The following FAM83F variants were observed in gnomAD, a reference collection of about 807,000 sequenced individuals.
FAM83F encodes protein FAM83F.
Under a neutral mutation model 42.9 loss-of-function variants are expected in FAM83F, and 45 were observed. The observed-to-expected ratio is 1.05, with a 90% CI of 0.83 to 1.35. FAM83F has a LOEUF of 1.35. FAM83F is among the 40% of genes most tolerant of loss of function. FAM83F has a pLI of 0.00. For missense variants in FAM83F, 617 were observed against 695.9 expected (o/e 0.89, Z 1.28); for synonymous variants, 306 against 298.3 (o/e 1.03, Z -0.27).
chr22:40,019,377 A>G (rs1196766298), intron 2 of FAM83F, 42 bp downstream of exon 2: 1 of 1,589,854 alleles, frequency 6.3e-7, no homozygotes, highest in Non-Finnish European at 8.6e-7. Flanking sequence ...AGGAGATGAG[A>G]CAGAGACTAC....
intron 1 of FAM83F, among the ~76,000 whole-genome samples, chr22:39,996,681 A>C (rs929594820): frequency 6.6e-6 from 1 of 152,208 alleles, no homozygotes; most frequent in Admixed American, 6.5e-5. Flanking sequence ...AGAGCTAGAA[A>C]GACCAGTGCT....
Position 40,035,765 on chromosome 22 carries a change from G to A in FAM83F, c.*6200G>A, listed in dbSNP as rs372566153. 6 of 152,194 alleles carry A rather than the reference G, an allele frequency of 3.9e-5. No individual in the cohort carries two copies. Among genetic ancestry groups the A allele is most frequent in the Non-Finnish European group, 5.9e-5 (4 of 68,048 alleles). 9.4% of individuals were successfully genotyped at this position (152,194 alleles called of 1,614,324 possible). ...TCATGTGTCAAATGGGGATGATCTC[G>A]AGACGACTCTCCAGAGTAACCACGT... On this transcript the variant is annotated 3_prime_UTR_variant, in exon 5 of 5. Coordinates refer to ENST00000333407, the MANE Select transcript of FAM83F (RefSeq NM_138435.4).
chr22:40,001,419 G>A (rs1402992952), intron 1 of FAM83F, among the ~76,000 whole-genome samples: 5 of 152,112 alleles, frequency 3.3e-5, no homozygotes, highest in East Asian at 1.9e-4. Flanking sequence ...CGGGCAGATC[G>A]CTTGAGCTGA....
At chr22:40,011,332 G>A (rs2067462404) in intron 1 of FAM83F, among the ~76,000 whole-genome samples, 1 of 152,048 alleles carries the variant, frequency 6.6e-6, no homozygotes, top group African/African-American at 2.4e-5. Flanking sequence ...TTACAGGTGT[G>A]CGCCACCATG....
At chr22:40,007,954 G>A (rs1055437964) in intron 1 of FAM83F, among the ~76,000 whole-genome samples, 1 of 152,210 alleles carries the variant, frequency 6.6e-6, no homozygotes, top group African/African-American at 2.4e-5. Flanking sequence ...AGCTGTGCCA[G>A]TTAGAAGTTG....
chr22:40,029,577 G>A lies in FAM83F; in HGVS notation c.*12G>A. ...GTGTGATTTCCTGAGCTGCGGGATG[G>A]TGGTGGGCAGGACGTGTGGATGCCT... On this transcript the variant is annotated 3_prime_UTR_variant, in exon 5 of 5. Transcript: ENST00000333407. 6.2e-7 allele frequency: 1 copy of A among 1,610,364 alleles called. No individual in the cohort carries two copies. The highest frequency in any genetic ancestry group is 1.7e-4 in the Middle Eastern group (1 of 6,058).
intron 1 of FAM83F, among the ~76,000 whole-genome samples, chr22:40,005,006 T>C (rs924681929): frequency 1.4e-4 from 21 of 152,214 alleles, no homozygotes; most frequent in Admixed American, 5.2e-4. Flanking sequence ...TCACACTGTT[T>C]CCATCACTTG....
At chr22:39,997,687 C>T (rs563041932) in intron 1 of FAM83F, among the ~76,000 whole-genome samples, 11 of 152,130 alleles carry the variant, frequency 7.2e-5, no homozygotes, top group African/African-American at 9.6e-5. Flanking sequence ...CTTTTTGCTT[C>T]GAAAAAGCAA....
At position 39,995,766 on chromosome 22, in the gene FAM83F, T is replaced by C. The variant is rs2067371434; in HGVS notation, c.489+235T>C. On this transcript the variant is annotated intron_variant, in intron 1 of 4. Transcript: ENST00000333407. This position sits in a 1 kb window ranked among gnomAD's most constrained non-coding sequence, Gnocchi z 4.6. Reference sequence around the variant, plus strand: ...ATGTCAGCCGTCGGTATTCCAGCGTTCAGAGGCACTGGCTCTGCTCTGTAC... The same window carrying C: ...ATGTCAGCCGTCGGTATTCCAGCGTCCAGAGGCACTGGCTCTGCTCTGTAC... Among the ~76,000 whole-genome samples, 1 of 152,206 alleles carries C rather than the reference T, an allele frequency of 6.6e-6. No homozygotes were observed. Among genetic ancestry groups the C allele is most frequent in the South Asian group, 2.1e-4 (1 of 4,838 alleles).
intron 1 of FAM83F, among the ~76,000 whole-genome samples, chr22:40,003,067 A>G (rs1317415905): frequency 6.6e-6 from 1 of 152,196 alleles, no homozygotes; most frequent in African/African-American, 2.4e-5. Flanking sequence ...TTGCAGAAAC[A>G]TTCAAAGTCT....
In FAM83F at chr22:40,029,311, C is replaced by T. The variant is rs147887743; in HGVS notation, c.1454-205C>T. On this transcript the variant is annotated intron_variant, in intron 4 of 4. Transcript: ENST00000333407. ...ATGTCCCACCCAGTGGGGCTCCTGC[C>T]GAGGCTGCTGAGACAGGCAGAATCT... is the stretch of plus-strand genomic sequence containing the variant. 2.0e-3 allele frequency among the ~76,000 whole-genome samples: 300 copies of T among 152,170 alleles called. 2 individuals are homozygous for T. The highest frequency in any genetic ancestry group is 6.8e-3 in the African/African-American group (282 of 41,506).
chr22:40,028,083 G>A (rs1015564135), intron 4 of FAM83F, among the ~76,000 whole-genome samples: 6 of 152,242 alleles, frequency 3.9e-5, no homozygotes, highest in East Asian at 1.9e-4. Flanking sequence ...TAGCAGAGCC[G>A]CCCCAGACGT....
chr22:39,996,480 C>T (rs1601759902), intron 1 of FAM83F, among the ~76,000 whole-genome samples: 2 of 152,060 alleles, frequency 1.3e-5, no homozygotes, highest in East Asian at 1.9e-4. Context: ...TGAATGGGAA[C>T]GTTTTGTACT....
At chr22:40,002,405 G>A (rs921163501) in intron 1 of FAM83F, among the ~76,000 whole-genome samples, 1 of 152,164 alleles carries the variant, frequency 6.6e-6, no homozygotes, top group African/African-American at 2.4e-5. Flanking sequence ...TCTGAAATCC[G>A]ATACTTTGGG....
intron 1 of FAM83F, among the ~76,000 whole-genome samples, chr22:39,999,885 G>T (rs1043129060): frequency 6.6e-6 from 1 of 152,162 alleles, no homozygotes; most frequent in Non-Finnish European, 1.5e-5. Context: ...TTCCTTCAAG[G>T]CCTGGCTAAG....
chr22:40,008,010 G>A (rs1025912198), intron 1 of FAM83F, among the ~76,000 whole-genome samples: 1 of 152,204 alleles, frequency 6.6e-6, no homozygotes, highest in Non-Finnish European at 1.5e-5. Flanking sequence ...CTCTGGCAGC[G>A]GTTTTCTTAG....
chr22:40,005,419 G>A (rs1302967892), intron 1 of FAM83F, among the ~76,000 whole-genome samples: 4 of 152,298 alleles, frequency 2.6e-5, no homozygotes, highest in African/African-American at 9.6e-5. Context: ...ACTTAGTGCC[G>A]GGAAAGTCAT....
At chr22:40,007,544 CCTCTCCTCCTCCT>C (rs1569231118) in intron 1 of FAM83F, among the ~76,000 whole-genome samples, 11 of 15,106 alleles carry the variant, frequency 7.3e-4, no homozygotes, top group African/African-American at 1.9e-3. Flanking sequence ...CTCTCCTCCT[CCTCTCCTCCTCCT>C]CTCCTCTCCT....
chr22:40,007,538 CCTCCTCCT>C (rs2067440932), intron 1 of FAM83F, among the ~76,000 whole-genome samples: 2 of 25,948 alleles, frequency 7.7e-5, no homozygotes, highest in African/African-American at 2.6e-4. Context: ...CTCCTCCTCT[CCTCCTCCT>C]CTCCTCCTCC....
Sources: gnomAD v4.1 joint callset for allele counts (sites outside exome capture counted in the v4.1 genomes callset) on GRCh38, gnomAD v4.1.1 for gene constraint, Gnocchi (gnomAD v3.1) non-coding constraint, MANE v1.5 for transcripts, NCBI Gene and HGNC (gene_info 2026-07-23, HGNC 2026-07-21) for gene names.